Variants in TNKS observed in about 807,000 individuals in gnomAD.
TNKS encodes tankyrase.
Under a neutral mutation model 135.8 loss-of-function variants are expected in TNKS, and 72 were observed. The ratio of observed to expected loss-of-function variants is 0.53; its 90% CI spans 0.44 to 0.64. TNKS has a LOEUF of 0.64. Ranked by LOEUF, TNKS falls within the 30% of genes least tolerant of loss-of-function variation. The pLI is 0.00. For missense variants in TNKS, 1,769 were observed against 1,674.0 expected (o/e 1.06, Z -0.99); for synonymous variants, 849 against 649.3 (o/e 1.31, Z -4.68).
At chr8:9,577,118 T>A (rs1352467467) in intron 1 of TNKS, among the ~76,000 whole-genome samples, 1 of 138,670 alleles carries the variant, frequency 7.2e-6, no homozygotes, top group African/African-American at 2.8e-5. Flanking sequence ...CAATTCATTT[T>A]TTTTTTTGCC....
chr8:9,752,705 C>A (rs931064106), intron 20 of TNKS, 79 bp downstream of exon 20: 43 of 975,088 alleles, frequency 4.4e-5, no homozygotes, highest in Middle Eastern at 4.8e-4. Context: ...ACACCTTACT[C>A]CCAACACTTT....
At chr8:9,761,796 C>G (rs1343936508) in intron 21 of TNKS, among the ~76,000 whole-genome samples, 160 bp downstream of exon 21, 1 of 152,184 alleles carries the variant, frequency 6.6e-6, no homozygotes, top group Admixed American at 6.5e-5. Context: ...CATGCTCCCT[C>G]TAGCTGGAAA....
intron 11 of TNKS, among the ~76,000 whole-genome samples, chr8:9,710,765 G>A (rs1029013415): frequency 7.9e-5 from 12 of 152,032 alleles, no homozygotes; most frequent in South Asian, 6.2e-4. Context: ...GCGTGGTGGC[G>A]GGTGCCTGTA....
Position 9,781,297 on chromosome 8 carries a change from C to T in TNKS, c.*4561C>T, listed in dbSNP as rs1053083372. 2 of 152,202 alleles carry T rather than the reference C, an allele frequency of 1.3e-5. No individual in the cohort carries two copies. The highest frequency in any genetic ancestry group is 1.3e-4 in the Admixed American group (2 of 15,280). The allele number at this position is 152,202 out of a possible 1,614,324, so 9.4% of individuals were successfully genotyped here. A position where few individuals can be genotyped will look rare whatever the true frequency, so the allele number is the denominator to read the frequency against. On this transcript the variant is annotated 3_prime_UTR_variant, in exon 27 of 27. Coordinates refer to ENST00000310430, the MANE Select transcript of TNKS (RefSeq NM_003747.3). ...TCAGATTGTTCTGTGATTTCTTTTA[C>T]ATCAGTCTACCCATTTCTGCAGGCA...
intron 3 of TNKS, among the ~76,000 whole-genome samples, chr8:9,671,531 A>T (rs1425189236): frequency 6.6e-6 from 1 of 152,216 alleles, no homozygotes; most frequent in East Asian, 1.9e-4. Context: ...CTGTGATTCC[A>T]TTTACATGGC....
intron 21 of TNKS, among the ~76,000 whole-genome samples, chr8:9,762,672 G>A (rs1028118580): frequency 1.3e-5 from 2 of 152,144 alleles, no homozygotes; most frequent in African/African-American, 4.8e-5. Flanking sequence ...GGAGGCCGAG[G>A]CAGGCAGATC....
At chr8:9,606,470 C>G (rs530795562) in intron 2 of TNKS, among the ~76,000 whole-genome samples, 3 of 152,078 alleles carry the variant, frequency 2.0e-5, no homozygotes, top group Non-Finnish European at 4.4e-5. Flanking sequence ...ATTACTAGAG[C>G]TTTATGATAA....
At chr8:9,700,381 C>G (rs893942193) in intron 5 of TNKS, among the ~76,000 whole-genome samples, 3 of 152,158 alleles carry the variant, frequency 2.0e-5, no homozygotes, top group African/African-American at 7.2e-5. Context: ...ATTGCTATCC[C>G]TAGCACTTAA....
intron 2 of TNKS, among the ~76,000 whole-genome samples, chr8:9,598,727 G>GTGTGTGTGTGTGTC (rs1232805577): frequency 1.1e-3 from 136 of 124,244 alleles, no homozygotes; most frequent in African/African-American, 3.9e-3. Context: ...GTGTGTGTGT[G>GTGTGTGTGTGTGTC]TGTGTGTCTG....
intron 3 of TNKS, among the ~76,000 whole-genome samples, chr8:9,647,432 A>G (rs774287365): frequency 2.0e-5 from 3 of 152,206 alleles, no homozygotes; most frequent in Non-Finnish European, 4.4e-5. Context: ...ATTTGGTTTT[A>G]GTCTAGGCCA....
intron 3 of TNKS, among the ~76,000 whole-genome samples, chr8:9,665,773 C>T (rs371810822): frequency 4.6e-5 from 7 of 152,104 alleles, no homozygotes; most frequent in East Asian, 1.9e-4. Context: ...AATTCACTCT[C>T]GTGAATTCCC....
At chr8:9,748,608 ATT>A (rs1355026436) in intron 18 of TNKS, among the ~76,000 whole-genome samples, 1 of 152,204 alleles carries the variant, frequency 6.6e-6, no homozygotes, top group African/African-American at 2.4e-5. Context: ...TCTGGGCAGT[ATT>A]ATTTAACTGC....
At chr8:9,734,781 G>C in intron 15 of TNKS, 84 bp from the exon 16 acceptor site, 6 of 1,183,664 alleles carry the variant, frequency 5.1e-6, no homozygotes, top group Non-Finnish European at 7.2e-6. Context: ...GAGGAACAAA[G>C]GTAGAGTAAA....
At chr8:9,656,072 C>A (rs143986603) in intron 3 of TNKS, among the ~76,000 whole-genome samples, 7 of 152,154 alleles carry the variant, frequency 4.6e-5, no homozygotes, top group Non-Finnish European at 8.8e-5. Flanking sequence ...CTGAAAACCA[C>A]GGCACGAGAA....
intron 13 of TNKS, among the ~76,000 whole-genome samples, 192 bp from the exon 14 acceptor site, chr8:9,730,698 T>C (rs566831711): frequency 1.0e-3 from 156 of 152,282 alleles, no homozygotes; most frequent in Non-Finnish European, 1.6e-3. Context: ...CTGTACATAA[T>C]AAAAAATATT....
chr8:9,774,735 G>A (rs1253754979), intron 26 of TNKS, among the ~76,000 whole-genome samples: 1 of 152,158 alleles, frequency 6.6e-6, no homozygotes, highest in African/African-American at 2.4e-5. Context: ...CATGCCATTA[G>A]AATCTTAGAA....
At chr8:9,635,670 G>T (rs1461865903) in intron 3 of TNKS, among the ~76,000 whole-genome samples, 1 of 152,184 alleles carries the variant, frequency 6.6e-6, no homozygotes, top group African/African-American at 2.4e-5. Flanking sequence ...CTGTGTGCTG[G>T]CAGATGTAAT....
chr8:9,768,511 G>C (rs892146746), intron 25 of TNKS, among the ~76,000 whole-genome samples: 3 of 152,232 alleles, frequency 2.0e-5, no homozygotes, highest in African/African-American at 7.2e-5. Flanking sequence ...TGCGTCTGCA[G>C]AATGCACCAC....
chr8:9,768,533 C>G (rs111258766), intron 25 of TNKS, among the ~76,000 whole-genome samples: 4 of 152,220 alleles, frequency 2.6e-5, no homozygotes, highest in Admixed American at 1.3e-4. Flanking sequence ...ATGCACCAGA[C>G]AAGCCAGTGA....
Sources: allele counts gnomAD v4.1 joint callset (sites outside exome capture counted in the v4.1 genomes callset), GRCh38; gene constraint gnomAD v4.1.1; transcripts MANE v1.5; gene names NCBI Gene and HGNC (gene_info 2026-07-23, HGNC 2026-07-21).